The following BIRC6 variants were observed in gnomAD, a reference collection of about 807,000 sequenced individuals.
The protein encoded by BIRC6 is baculoviral IAP repeat containing 6, also known as dual E2 ubiquitin-conjugating enzyme/E3 ubiquitin-protein ligase BIRC6.
A neutral mutation model predicts 503.3 loss-of-function variants in BIRC6; 98 were observed. That is an observed-to-expected ratio of 0.19 (90% confidence interval 0.17 to 0.23). The LOEUF (loss-of-function observed/expected upper bound fraction) is 0.23. Ranked by LOEUF, BIRC6 falls within the 10% of genes least tolerant of loss-of-function variation. The pLI is 1.00. For synonymous variants in BIRC6, 2,240 were observed against 2,078.7 expected, an observed-to-expected ratio of 1.08 and a Z score of -2.11; for missense variants, 5,360 against 5,806.0, an observed-to-expected ratio of 0.92 and a Z score of 2.50.
rs758185040 is a variant in BIRC6, at chr2:32,575,235, G to A, written c.13224G>A (p.Met4408Ile). Residue 4408 changes from methionine to isoleucine, a missense_variant, in exon 66 of 74, where the codon ATG becomes ATA. Transcript: ENST00000421745. Reference protein sequence around the residue: ...LLRAIASCAAMVPLLLPLSTE... With the variant: ...LLRAIASCAAIVPLLLPLSTE... ...GGGCCATTGCTTCTTGTGCTGCCATGGTGCCCCTATTGTTGCCCCTTTCTA... is the reference window on the plus strand; with the variant it reads ...GGGCCATTGCTTCTTGTGCTGCCATAGTGCCCCTATTGTTGCCCCTTTCTA... 6.2e-7 allele frequency: 1 copy of A among 1,613,972 alleles called. No individual in the cohort carries two copies. The highest frequency in any genetic ancestry group is 8.5e-7 in the Non-Finnish European group (1 of 1,179,892).
At chr2:32,531,656 C>A in intron 61 of BIRC6, 105 bp downstream of exon 61, 1 of 1,028,670 alleles carries the variant, frequency 9.7e-7, no homozygotes, top group South Asian at 1.7e-5. Context: ...TAGAAATACC[C>A]TTTGCTTTAT....
At chr2:32,420,273 G>T (rs969629676) in intron 10 of BIRC6, among the ~76,000 whole-genome samples, 1 of 152,126 alleles carries the variant, frequency 6.6e-6, no homozygotes, top group African/African-American at 2.4e-5. Flanking sequence ...GGTAAAGTTT[G>T]TGTATAATTG....
Position 32,478,709 on chromosome 2 carries a change from A to C in BIRC6, c.7143A>C (p.Glu2381Asp). 1 of 1,613,932 alleles carries C rather than the reference A, an allele frequency of 6.2e-7. No individual in the cohort carries two copies. Residue 2381 changes from glutamate (E) to aspartate (D), a missense_variant, in exon 36 of 74, where the codon GAA (glutamate) becomes GAC (aspartate). By Grantham distance (45) the Glu-to-Asp change is conservative (BLOSUM62 2). This residue lies in a region of BIRC6 where 2,299 missense variants were observed against 2,267.2 expected (regional missense o/e 1.01). Coordinates refer to ENST00000421745, the MANE Select transcript of BIRC6 (RefSeq NM_016252.4). ...LCEIVNEPQL[E>D]RLLLLLVGTD... ...AGATTGTGAACGAACCCCAGCTGGA[A>C]AGACTGCTGTTACTTTTGGTTGGAA...
chr2:32,448,474 C>A (rs933527922), intron 21 of BIRC6, among the ~76,000 whole-genome samples: 2 of 151,970 alleles, frequency 1.3e-5, no homozygotes, highest in African/African-American at 4.8e-5. Flanking sequence ...CACAGCAAAA[C>A]CCCGTCTCCA....
At chr2:32,406,615 A>G (rs2041247517) in intron 9 of BIRC6, 58 bp downstream of exon 9, 5 of 1,158,544 alleles carry the variant, frequency 4.3e-6, no homozygotes, top group Non-Finnish European at 6.3e-6. Context: ...TTGTGCATAC[A>G]GCTAACTACC....
chr2:32,546,272 A>G (rs2150334684), intron 63 of BIRC6, among the ~76,000 whole-genome samples: 1 of 152,294 alleles, frequency 6.6e-6, no homozygotes, highest in Non-Finnish European at 1.5e-5. Flanking sequence ...ATATGATTTA[A>G]TTGTATTGTA....
intron 37 of BIRC6, 64 bp downstream of exon 37, chr2:32,479,681 A>G: frequency 7.4e-7 from 1 of 1,343,292 alleles, no homozygotes; most frequent in Non-Finnish European, 1.0e-6. Flanking sequence ...AAAATAAAGA[A>G]TGTTAGAGAA....
In BIRC6 at chr2:32,540,268, GA is replaced by G. The variant is rs139608222; in HGVS notation, c.12292-2970del. On this transcript the variant is annotated intron_variant, in intron 61 of 73. Transcript: ENST00000421745. Reference sequence around the variant, plus strand: ...TAAATTGGAGCATTTGACTACTTTAGAAAGTATCATGTCTTCTCAGTTTGCT... The same window carrying G: ...TAAATTGGAGCATTTGACTACTTTAGAAGTATCATGTCTTCTCAGTTTGCT... Among the ~76,000 whole-genome samples, 543 of 152,100 alleles carry G rather than the reference GA, an allele frequency of 3.6e-3. 3 individuals are homozygous for G. Among genetic ancestry groups the G allele is most frequent in the African/African-American group, 0.012 (487 of 41,538 alleles).
chr2:32,450,655 T>G (rs2148569112), intron 22 of BIRC6, among the ~76,000 whole-genome samples: 1 of 152,304 alleles, frequency 6.6e-6, no homozygotes, highest in Non-Finnish European at 1.5e-5. Context: ...GCACCTATTT[T>G]TCCACCAGTG....
chr2:32,488,504 ATTTAAACATAAGATTT>A, intron 41 of BIRC6, 68 bp from the exon 42 acceptor site: 1 of 1,207,942 alleles, frequency 8.3e-7, no homozygotes, highest in Non-Finnish European at 1.1e-6. Context: ...CGTGACAAGA[ATTTAAACATAAGATTT>A]TTGTTTAAAT....
intron 1 of BIRC6, among the ~76,000 whole-genome samples, chr2:32,376,057 G>C (rs2036725873): frequency 1.3e-5 from 2 of 151,938 alleles, no homozygotes; most frequent in Admixed American, 6.6e-5. Context: ...GAGGTGGCAG[G>C]CATCTGTAGT....
intron 23 of BIRC6, among the ~76,000 whole-genome samples, chr2:32,458,194 A>T (rs1351346863): frequency 6.6e-6 from 1 of 152,040 alleles, no homozygotes. Context: ...AAACTTTCTG[A>T]GATTGCCCTT....
At chr2:32,526,252 T>C (rs1024889625) in intron 59 of BIRC6, among the ~76,000 whole-genome samples, 4 of 152,174 alleles carry the variant, frequency 2.6e-5, no homozygotes, top group Admixed American at 1.3e-4. Context: ...CAGATATTTT[T>C]TGAGCATGCC....
intron 71 of BIRC6, among the ~76,000 whole-genome samples, chr2:32,607,151 ATT>A (rs1026313539): frequency 6.7e-6 from 1 of 150,076 alleles, no homozygotes; most frequent in African/African-American, 2.5e-5. Flanking sequence ...TTTTTTTAGC[ATT>A]TTTTGGAAAT....
At chr2:32,474,282 G>A (rs1443925603) in intron 33 of BIRC6, among the ~76,000 whole-genome samples, 2 of 151,866 alleles carry the variant, frequency 1.3e-5, no homozygotes, top group African/African-American at 4.8e-5. Flanking sequence ...TCCTTTGCAG[G>A]AAAAATGAGA....
rs991932428 is a variant in BIRC6, at chr2:32,357,780, T to G, written c.325+294T>G. Among the ~76,000 whole-genome samples, 3 of 151,890 alleles carry G rather than the reference T, an allele frequency of 2.0e-5. No individual in the cohort carries two copies. Among genetic ancestry groups the G allele is most frequent in the African/African-American group, 7.3e-5 (3 of 41,340 alleles). On this transcript the variant is annotated intron_variant, in intron 1 of 73. Transcript: ENST00000421745. The surrounding 1 kb of genome is among the most constrained non-coding windows in gnomAD (Gnocchi z 4.9). ...TCCTCCGCGAGAGGTGAGGAGACCT[T>G]GGAGCTTGGCACCGGAGGAAGCGAG...
chr2:32,439,888 T>G (rs2045210487), intron 16 of BIRC6, among the ~76,000 whole-genome samples: 1 of 152,222 alleles, frequency 6.6e-6, no homozygotes, highest in Non-Finnish European at 1.5e-5. Flanking sequence ...TTATTTATTT[T>G]AGAGTTTTGA....
chr2:32,436,249 AACTG>A (rs1367244610), intron 15 of BIRC6, 65 bp downstream of exon 15: 6 of 1,263,034 alleles, frequency 4.8e-6, no homozygotes, highest in Non-Finnish European at 6.2e-6. Context: ...GACGAAAAAA[AACTG>A]ATCTCAAAAA....
chr2:32,566,004 A>T (rs2059509559), intron 65 of BIRC6: 1 of 152,182 alleles, frequency 6.6e-6, no homozygotes, highest in African/African-American at 2.4e-5. Flanking sequence ...GCCAAACCAT[A>T]TCACATAGTC....
Sources: gnomAD v4.1 joint callset for allele counts (sites outside exome capture counted in the v4.1 genomes callset) on GRCh38, gnomAD v4.1.1 for gene constraint, gnomAD v4.1.1 regional missense constraint, Gnocchi (gnomAD v3.1) non-coding constraint, MANE v1.5 for transcripts, NCBI Gene and HGNC (gene_info 2026-07-23, HGNC 2026-07-21) for gene names.